Variants in BTD observed in about 807,000 individuals in gnomAD.
BTD encodes the protein biotinidase, also known as biocytinase.
BTD carries 13 observed loss-of-function variants against 17.7 expected under a neutral mutation model. The ratio of observed to expected loss-of-function variants is 0.74; its 90% CI spans 0.48 to 1.17. BTD has a LOEUF of 1.17. BTD is among the 50% of genes most tolerant of loss of function. The pLI is 0.00. For synonymous variants in BTD, 240 were observed against 245.2 expected (o/e 0.98, Z 0.20); for missense variants, 674 against 650.4 (o/e 1.04, Z -0.39).
At chr3:15,693,783 T>C (rs992630707) in intron 3 of BTD, among the ~76,000 whole-genome samples, 4 of 152,152 alleles carry the variant, frequency 2.6e-5, no homozygotes, top group Admixed American at 1.3e-4. Context: ...GCTTCAAGAA[T>C]GCTTTCTTAG....
Position 15,645,394 on chromosome 3 carries a change from G to A in BTD, c.1478G>A (p.Gly493Asp). 1 of 1,614,140 alleles carries A rather than the reference G, an allele frequency of 6.2e-7. No individual in the cohort carries two copies. The highest frequency in any genetic ancestry group is 8.5e-7 in the Non-Finnish European group (1 of 1,180,036). The change falls in exon 4 of 4, where the codon GGC (glycine) becomes GAC (aspartate). Residue 493 changes from glycine to aspartate, a missense_variant. Coordinates refer to ENST00000643237, the MANE Select transcript of BTD (RefSeq NM_001370658.1). ...ACCCTAGAAGTCCCTGACCAGCTTG[G>A]CTGGGAGAATGACCACTATTTCCTG... is the stretch of plus-strand genomic sequence containing the variant. ...GMTLEVPDQL[G>D]WENDHYFLRK...
chr3:15,716,252 G>A (rs1041000938), downstream of BTD, among the ~76,000 whole-genome samples: 1 of 148,548 alleles, frequency 6.7e-6, no homozygotes, highest in Non-Finnish European at 1.5e-5. Context: ...AAAGTGCTAG[G>A]ATTACAGGCA....
rs925726331 is a variant in BTD at position 15,651,911 on chromosome 3, C to G, written c.*6423C>G. On this transcript the variant is annotated 3_prime_UTR_variant, in exon 4 of 4. Transcript: ENST00000643237. ...CTTGGTAGCTAGTCTCAAGATTAGC[C>G]CCCAGTGCTCCCCACCTGCTGGTAT... Among the ~76,000 whole-genome samples, 1 of 152,168 alleles carries G rather than the reference C, an allele frequency of 6.6e-6. No homozygotes were observed. Among genetic ancestry groups the G allele is most frequent in the African/African-American group, 2.4e-5 (1 of 41,422 alleles).
intron 3 of BTD, among the ~76,000 whole-genome samples, chr3:15,666,941 C>T (rs1302792378): frequency 6.6e-6 from 1 of 152,188 alleles, no homozygotes; most frequent in Non-Finnish European, 1.5e-5. Context: ...ACCTCAATTA[C>T]ACTTTTATTA....
intron 3 of BTD, chr3:15,679,180 G>A: frequency 1.2e-6 from 1 of 864,968 alleles, no homozygotes; most frequent in Non-Finnish European, 1.9e-6. Flanking sequence ...ATGTTGACCA[G>A]GCTGGTCTTA....
chr3:15,706,441 A>G (rs2071416940), intron 3 of BTD, among the ~76,000 whole-genome samples: 1 of 152,176 alleles, frequency 6.6e-6, no homozygotes, highest in South Asian at 2.1e-4. Context: ...ATGGCTGCAT[A>G]GTATTCCATG....
Position 15,645,399 on chromosome 3 carries a change from G to A in BTD, c.1483G>A (p.Glu495Lys), listed in dbSNP as rs1190456962. 6.2e-7 allele frequency: 1 copy of A among 1,614,174 alleles called. No individual in the cohort carries two copies. The highest frequency in any genetic ancestry group is 1.7e-5 in the Admixed American group (1 of 60,030). Residue 495 changes from glutamate to lysine, a missense_variant, in exon 4 of 4, where the codon GAG (glutamate) becomes AAG (lysine). Glu to Lys is a moderately conservative substitution (Grantham distance 56, BLOSUM62 1). Coordinates refer to ENST00000643237, the MANE Select transcript of BTD (RefSeq NM_001370658.1). ...TLEVPDQLGWENDHYFLRKSR... is the reference protein window; with the variant it reads ...TLEVPDQLGWKNDHYFLRKSR... ...AGAAGTCCCTGACCAGCTTGGCTGG[G>A]AGAATGACCACTATTTCCTGAGGAA...
intron 3 of BTD, among the ~76,000 whole-genome samples, chr3:15,664,561 AAC>A (rs1306840007): frequency 6.6e-6 from 1 of 152,196 alleles, no homozygotes; most frequent in African/African-American, 2.4e-5. Context: ...CAGACTTCTA[AAC>A]AGTCGATTCT....
intron 3 of BTD, among the ~76,000 whole-genome samples, chr3:15,683,538 CAA>C (rs1358027675): frequency 6.6e-6 from 1 of 152,110 alleles, no homozygotes; most frequent in Non-Finnish European, 1.5e-5. Flanking sequence ...TAGTAAAAAA[CAA>C]AGAGACTAAA....
intron 1 of BTD, among the ~76,000 whole-genome samples, chr3:15,612,687 AT>A (rs35402548): frequency 0.17 from 23,487 of 140,866 alleles, 2,088 homozygotes; most frequent in East Asian, 0.36. Flanking sequence ...TACATCTTTA[AT>A]TTTTTTTTTT....
intron 1 of BTD, among the ~76,000 whole-genome samples, chr3:15,633,555 T>C (rs578181266): frequency 7.9e-5 from 12 of 152,340 alleles, no homozygotes; most frequent in Admixed American, 7.2e-4. Flanking sequence ...CATAAACAAA[T>C]GTTCTGTACC....
intron 3 of BTD, among the ~76,000 whole-genome samples, chr3:15,688,232 A>T (rs1275615714): frequency 6.6e-6 from 1 of 152,230 alleles, no homozygotes; most frequent in Non-Finnish European, 1.5e-5. Context: ...TTCTAGCTAT[A>T]GATTAATATT....
Position 15,647,231 on chromosome 3 carries a change from A to G in BTD, c.*1743A>G, listed in dbSNP as rs2065715177. On this transcript the variant is annotated 3_prime_UTR_variant, in exon 4 of 4. Coordinates refer to ENST00000643237, the MANE Select transcript of BTD (RefSeq NM_001370658.1). ...ACCAGGCGTGAGCTGGCAGTCCAGA[A>G]GCGGCCCCAGATGTGGCTACCCACC... is the stretch of plus-strand genomic sequence containing the variant. 1 of 152,242 alleles carries G rather than the reference A, an allele frequency of 6.6e-6. No homozygotes were observed. The highest frequency in any genetic ancestry group is 2.4e-5 in the African/African-American group (1 of 41,462). 9.4% of individuals were successfully genotyped at this position (152,242 alleles called of 1,614,324 possible). A position where few individuals can be genotyped will look rare whatever the true frequency, so the allele number is the denominator to read the frequency against.
At chr3:15,625,651 G>A (rs2065048268) in intron 1 of BTD, among the ~76,000 whole-genome samples, 1 of 152,186 alleles carries the variant, frequency 6.6e-6, no homozygotes, top group Admixed American at 6.5e-5. Flanking sequence ...CACCTCCCGG[G>A]TTCAAGCAAT....
intron 1 of BTD, among the ~76,000 whole-genome samples, chr3:15,620,561 C>G (rs2064921803): frequency 6.6e-6 from 1 of 151,992 alleles, no homozygotes; most frequent in African/African-American, 2.4e-5. Context: ...TATTTTTCAA[C>G]TACACATGTT....
chr3:15,661,978 G>T (rs1246733598), intron 3 of BTD, among the ~76,000 whole-genome samples: 1 of 152,194 alleles, frequency 6.6e-6, no homozygotes, highest in African/African-American at 2.4e-5. Flanking sequence ...CTGTTCCACT[G>T]ATCTGTCCAT....
rs566198342 is a variant in BTD, at chr3:15,646,516, T to C, written c.*1028T>C. 1 of 152,326 alleles carries C rather than the reference T, an allele frequency of 6.6e-6. No homozygotes were observed. Among genetic ancestry groups the C allele is most frequent in the East Asian group, 1.9e-4 (1 of 5,188 alleles). The allele number at this position is 152,326 out of a possible 1,614,324, so 9.4% of individuals were successfully genotyped here. ...CACCCAACAGGCACAGAGCAGGAGC[T>C]TCCCATGTTAGGAATTCCAGATGCA... On this transcript the variant is annotated 3_prime_UTR_variant, in exon 4 of 4. Transcript: ENST00000643237.
At chr3:15,705,524 A>C (rs1420343914) in intron 3 of BTD, among the ~76,000 whole-genome samples, 3 of 152,224 alleles carry the variant, frequency 2.0e-5, no homozygotes, top group Non-Finnish European at 4.4e-5. Context: ...ACTTATTTTA[A>C]GCAAATCAAT....
At chr3:15,684,425 G>C (rs148556663) in intron 3 of BTD, 18 of 152,120 alleles carry the variant, frequency 1.2e-4, no homozygotes, top group African/African-American at 4.1e-4. Flanking sequence ...AGACCTGCTA[G>C]GGATTTATTC....
Sources: allele counts gnomAD v4.1 joint callset (sites outside exome capture counted in the v4.1 genomes callset), GRCh38; gene constraint gnomAD v4.1.1; transcripts MANE v1.5; gene names NCBI Gene and HGNC (gene_info 2026-07-23, HGNC 2026-07-21).